The following SMOC2 variants were observed in gnomAD, a reference collection of about 807,000 sequenced individuals.
The protein encoded by SMOC2 is SPARC-related modular calcium-binding protein 2.
A neutral mutation model predicts 61.4 loss-of-function variants in SMOC2; 39 were observed. The observed-to-expected ratio is 0.64, with a 90% confidence interval of 0.49 to 0.83. The LOEUF is 0.83. Ranked by LOEUF, SMOC2 falls within the 40% of genes least tolerant of loss-of-function variation. The pLI, the probability that SMOC2 is intolerant of heterozygous loss-of-function variation, is 0.00. For missense variants in SMOC2, 556 were observed against 592.9 expected (o/e 0.94, Z 0.65); for synonymous variants, 247 against 239.9 (o/e 1.03, Z -0.27).
chr6:168,655,328 A>G (rs1787293553), intron 11 of SMOC2: 1 of 447,352 alleles, frequency 2.2e-6, no homozygotes, highest in African/African-American at 2.0e-5. Flanking sequence ...AGTTATTCCA[A>G]TGGTTATAGC....
chr6:168,613,770 A>AT (rs1554250547), intron 9 of SMOC2, among the ~76,000 whole-genome samples: 4 of 46,004 alleles, frequency 8.7e-5, no homozygotes, highest in African/African-American at 1.2e-4. Flanking sequence ...CAGCCAGCAC[A>AT]GGGCCTCTTC....
intron 1 of SMOC2, among the ~76,000 whole-genome samples, chr6:168,471,400 G>C (rs1433833397): frequency 6.6e-6 from 1 of 152,076 alleles, no homozygotes; most frequent in Non-Finnish European, 1.5e-5. Flanking sequence ...TCATTCATGC[G>C]GTAACATAGT....
rs764245780 is a variant in SMOC2 at position 168,598,991 on chromosome 6, G to A, written c.811G>A (p.Gly271Ser). The change falls in exon 8 of 13, where the codon GGC becomes AGC. Residue 271 changes from glycine (G) to serine (S), a missense_variant. By Grantham distance (56) the Gly-to-Ser change is moderately conservative. Transcript: ENST00000356284. ...VLVDTGRPIP[G>S]TSTRYEQPKC... ...GGTGGACACGGGGCGCCCCATTCCCGGCACATCCACAAGGTAAATAGGGTG... is the reference window on the plus strand; with the variant it reads ...GGTGGACACGGGGCGCCCCATTCCCAGCACATCCACAAGGTAAATAGGGTG... The A allele has an allele frequency of 5.0e-6, 8 of 1,604,670 alleles. No individual in the cohort carries two copies. The highest frequency in any genetic ancestry group is 2.2e-5 in the South Asian group (2 of 90,330).
At chr6:168,558,882 T>C (rs9456186) in intron 7 of SMOC2, among the ~76,000 whole-genome samples, 2 of 146,594 alleles carry the variant, frequency 1.4e-5, no homozygotes, top group African/African-American at 5.1e-5. Flanking sequence ...TGTGTGTGCG[T>C]GTGTGCGTGT....
chr6:168,609,405 TG>T (rs1785794970), intron 9 of SMOC2, among the ~76,000 whole-genome samples: 1 of 151,646 alleles, frequency 6.6e-6, no homozygotes, highest in South Asian at 2.1e-4. Flanking sequence ...ACTTGCTTTC[TG>T]TTGAATGAAT....
At chr6:168,632,915 G>C (rs1786605908) in intron 9 of SMOC2, among the ~76,000 whole-genome samples, 2 of 152,220 alleles carry the variant, frequency 1.3e-5, no homozygotes, top group Admixed American at 1.3e-4. Flanking sequence ...AAGCCTTTTG[G>C]GTCCCACCCA....
In SMOC2 at chr6:168,452,348, TA is replaced by T. The variant is rs1351016907; in HGVS notation, c.84+10898del. Reference sequence around the variant, plus strand: ...TGTTATTGAAGCAGAATTTTGGTTTTAAAATAACCAGAGTAAGCAGGGGGAG... The same window carrying T: ...TGTTATTGAAGCAGAATTTTGGTTTTAAATAACCAGAGTAAGCAGGGGGAG... On this transcript the variant is annotated intron_variant, in intron 1 of 12. Coordinates refer to ENST00000356284, the MANE Select transcript of SMOC2 (RefSeq NM_001166412.2). The surrounding 1 kb of genome is among the most constrained non-coding windows in gnomAD (Gnocchi z 5.0). 1.3e-5 allele frequency among the ~76,000 whole-genome samples: 2 copies of T among 152,192 alleles called. No homozygotes were observed. The highest frequency in any genetic ancestry group is 4.8e-5 in the African/African-American group (2 of 41,428).
At chr6:168,486,205 A>T (rs964487716) in intron 1 of SMOC2, among the ~76,000 whole-genome samples, 20 of 152,218 alleles carry the variant, frequency 1.3e-4, no homozygotes, top group African/African-American at 4.6e-4. Context: ...TTGCATAGAT[A>T]TATAATATTG....
At chr6:168,527,394 A>G (rs927460131) in intron 3 of SMOC2, among the ~76,000 whole-genome samples, 6 of 152,240 alleles carry the variant, frequency 3.9e-5, no homozygotes, top group African/African-American at 1.4e-4. Context: ...TAAGGTGTCC[A>G]GCCCACACTA....
At chr6:168,571,190 A>C (rs2115141797) in intron 7 of SMOC2, among the ~76,000 whole-genome samples, 1 of 152,360 alleles carries the variant, frequency 6.6e-6, no homozygotes. Flanking sequence ...AGTTGAATAC[A>C]TCTTTTTGTT....
At chr6:168,500,378 G>A (rs2115041430) in intron 1 of SMOC2, among the ~76,000 whole-genome samples, 1 of 152,270 alleles carries the variant, frequency 6.6e-6, no homozygotes, top group African/African-American at 2.4e-5. Flanking sequence ...GAAGTAGGAG[G>A]AGAGGGAACT....
At chr6:168,504,584 A>G (rs1219373351) in intron 1 of SMOC2, among the ~76,000 whole-genome samples, 1 of 152,068 alleles carries the variant, frequency 6.6e-6, no homozygotes, top group Admixed American at 6.5e-5. Flanking sequence ...CTGTAAATAC[A>G]GATGAATACA....
At chr6:168,468,400 T>C (rs1781891869) in intron 1 of SMOC2, among the ~76,000 whole-genome samples, 1 of 152,224 alleles carries the variant, frequency 6.6e-6, no homozygotes. Flanking sequence ...CCATTCAGAA[T>C]GTGCAGATGT....
At chr6:168,597,829 TC>T (rs775396730) in intron 7 of SMOC2, among the ~76,000 whole-genome samples, 1 of 152,162 alleles carries the variant, frequency 6.6e-6, no homozygotes, top group African/African-American at 2.4e-5. Context: ...GCTACCGCTC[TC>T]CCCCCAGGTG....
rs1781503568 is a variant in SMOC2, at chr6:168,453,191, G to A, written c.84+11737G>A. ...CAGGCTGTTCTAGAGTGTGCTCAGG[G>A]TGGCCTGACAAATGCGGGCGGGGGT... On this transcript the variant is annotated intron_variant, in intron 1 of 12. Transcript: ENST00000356284. This position sits in a 1 kb window ranked among gnomAD's most constrained non-coding sequence, Gnocchi z 4.4. Among the ~76,000 whole-genome samples the A allele has an allele frequency of 1.3e-5, 2 of 151,386 alleles. No individual in the cohort carries two copies. Among genetic ancestry groups the A allele is most frequent in the Admixed American group, 1.3e-4 (2 of 15,222 alleles).
intron 9 of SMOC2, among the ~76,000 whole-genome samples, chr6:168,636,722 G>T (rs1037249856): frequency 1.3e-5 from 2 of 152,232 alleles, no homozygotes; most frequent in Non-Finnish European, 2.9e-5. Flanking sequence ...GGCTCACCTT[G>T]CTGTGACTGC....
intron 11 of SMOC2, chr6:168,655,624 GGATCCCCTCACACGTGTGTGCTA>G (rs1329108907): frequency 3.0e-6 from 1 of 337,610 alleles, no homozygotes; most frequent in African/African-American, 2.2e-5. Flanking sequence ...CATGTGTGCT[GGATCCCCTCACACGTGTGTGCTA>G]GATCCCCCTG....
At chr6:168,564,643 G>A (rs1351268777) in intron 7 of SMOC2, among the ~76,000 whole-genome samples, 1 of 152,068 alleles carries the variant, frequency 6.6e-6, no homozygotes, top group Admixed American at 6.5e-5. Context: ...TTTTAATTTT[G>A]GTAAAGTCCA....
At chr6:168,664,313 G>T (rs1787597779) in intron 12 of SMOC2, 1 of 533,270 alleles carries the variant, frequency 1.9e-6, no homozygotes, top group Non-Finnish European at 3.4e-6. Context: ...TCACCAACTT[G>T]TTTGAAAAAA....
Sources: allele counts gnomAD v4.1 joint callset (sites outside exome capture counted in the v4.1 genomes callset), GRCh38; gene constraint gnomAD v4.1.1; non-coding constraint Gnocchi (gnomAD v3.1); transcripts MANE v1.5; gene names NCBI Gene and HGNC (gene_info 2026-07-23, HGNC 2026-07-21).